Variants in RASSF4 observed in about 807,000 individuals in gnomAD.
The protein encoded by RASSF4 is Ras association domain family member 4.
RASSF4 carries 38 observed loss-of-function variants against 41.1 expected under a neutral mutation model. That is an observed-to-expected ratio of 0.92 (90% CI 0.71 to 1.21). RASSF4 has a LOEUF of 1.21. RASSF4 is among the 50% of genes most tolerant of loss of function. The probability of loss-of-function intolerance (pLI) is 0.00; values close to 1 mark genes in which losing one functional copy is unlikely to be tolerated. For synonymous variants in RASSF4, 179 were observed against 163.4 expected (o/e 1.10, Z -0.73); for missense variants, 414 against 419.4 (o/e 0.99, Z 0.11).
chr10:44,978,172 A>G (rs1841536588), intron 3 of RASSF4: 2 of 927,914 alleles, frequency 2.2e-6, no homozygotes, highest in Non-Finnish European at 3.2e-6. Context: ...AGCAATTTGA[A>G]GTCTACAGAG....
chr10:44,990,516 T>TGCGGGAAGGGAAGGGCTTCA (rs1483634662), intron 8 of RASSF4: 1 of 154,658 alleles, frequency 6.5e-6, no homozygotes, highest in Non-Finnish European at 1.4e-5. Flanking sequence ...CACGGGGAGC[T>TGCGGGAAGGGAAGGGCTTCA]GCGGGAAGGG....
chr10:44,967,674 G>C (rs1840957886), intron 1 of RASSF4, among the ~76,000 whole-genome samples: 1 of 152,210 alleles, frequency 6.6e-6, no homozygotes, highest in Admixed American at 6.5e-5. Flanking sequence ...GAAGCTTCTT[G>C]TATTTATTCA....
intron 3 of RASSF4, 127 bp from the exon 4 acceptor site, chr10:44,982,394 G>T: frequency 2.5e-6 from 3 of 1,187,164 alleles, no homozygotes; most frequent in Non-Finnish European, 3.7e-6. Flanking sequence ...GGTCCTTCCT[G>T]AGGGGATGGG....
At chr10:44,962,193 G>A (rs1052669444) in intron 1 of RASSF4, among the ~76,000 whole-genome samples, 1 of 152,224 alleles carries the variant, frequency 6.6e-6, no homozygotes, top group Non-Finnish European at 1.5e-5. Flanking sequence ...CACAGGCCAA[G>A]TTAATGCCAC....
chr10:44,960,959 G>A (rs565203481), intron 1 of RASSF4, among the ~76,000 whole-genome samples: 70 of 152,188 alleles, frequency 4.6e-4, no homozygotes, highest in African/African-American at 1.6e-3. Flanking sequence ...CCTGCCTTCT[G>A]TTCCTCTGTG....
chr10:44,977,157 A>G, intron 3 of RASSF4: 2 of 475,694 alleles, frequency 4.2e-6, no homozygotes, highest in South Asian at 1.0e-4. Context: ...TAAGTTGCTC[A>G]AGGTGATCAG....
chr10:44,989,742 T>C, intron 8 of RASSF4, 21 bp downstream of exon 8: 1 of 1,612,410 alleles, frequency 6.2e-7, no homozygotes, highest in Non-Finnish European at 8.5e-7. Flanking sequence ...GCCCCACTTC[T>C]GGATCGTAAA....
intron 3 of RASSF4, among the ~76,000 whole-genome samples, chr10:44,980,541 G>A (rs1439056298): frequency 6.6e-6 from 1 of 152,190 alleles, no homozygotes; most frequent in Non-Finnish European, 1.5e-5. Context: ...CCCCAGTACA[G>A]CCAAGCCCCC....
chr10:44,982,736 G>GCTCCCACCC, intron 4 of RASSF4, 73 bp downstream of exon 4: 2 of 1,520,754 alleles, frequency 1.3e-6, no homozygotes, highest in Non-Finnish European at 1.8e-6. Context: ...GAGCCTCAGG[G>GCTCCCACCC]TGGGAGCCCT....
rs1314553438 is a variant in RASSF4 at position 44,994,731 on chromosome 10, T to TC, written c.*1402_*1403insC. ...TGAACTGAAGAAGTGAGAACCAAGC[T>TC]TTTTTTTTTTTTTTTGCTTTCTGTG... On this transcript the variant is annotated 3_prime_UTR_variant, in exon 11 of 11. Coordinates refer to ENST00000340258, the MANE Select transcript of RASSF4 (RefSeq NM_032023.4). 1 of 112,992 alleles carries TC rather than the reference T, an allele frequency of 8.9e-6. No homozygotes were observed. The highest frequency in any genetic ancestry group is 3.8e-5 in the African/African-American group (1 of 26,002). The allele number at this position is 112,992 out of a possible 1,614,324, so 7.0% of individuals were successfully genotyped here. A position where few individuals can be genotyped will look rare whatever the true frequency, so the allele number is the denominator to read the frequency against.
rs770143673 is a variant in RASSF4, at chr10:44,984,988, C to T, written c.531+18C>T. The T allele has an allele frequency of 2.2e-5, 36 of 1,603,364 alleles. No individual in the cohort carries two copies. In the Admixed American group the frequency reaches 6.0e-4, roughly 27 times the overall value. Reference sequence around the variant, plus strand: ...ATCATAAGGTGATGCCCCAGCCTGGCCTCTCCCCTGGGCGCATGGGGAGCC... The same window carrying T: ...ATCATAAGGTGATGCCCCAGCCTGGTCTCTCCCCTGGGCGCATGGGGAGCC... On this transcript the variant is annotated intron_variant, in intron 6 of 10. Coordinates refer to ENST00000340258, the MANE Select transcript of RASSF4 (RefSeq NM_032023.4).
At chr10:44,987,016 C>T (rs533349391) in intron 6 of RASSF4, among the ~76,000 whole-genome samples, 31 of 152,336 alleles carry the variant, frequency 2.0e-4, no homozygotes, top group Admixed American at 1.8e-3. Flanking sequence ...TGGTTGGTAT[C>T]ATCTTGAGAA....
intron 4 of RASSF4, 174 bp from the exon 5 acceptor site, chr10:44,983,848 T>C: frequency 8.5e-7 from 1 of 1,173,784 alleles, no homozygotes; most frequent in Non-Finnish European, 1.2e-6. Flanking sequence ...GGGAGGCCTC[T>C]ACTTTTCTTT....
At chr10:44,965,466 C>T (rs962910748) in intron 1 of RASSF4, among the ~76,000 whole-genome samples, 2 of 152,186 alleles carry the variant, frequency 1.3e-5, no homozygotes, top group Non-Finnish European at 2.9e-5. Context: ...AAGTGGCAGC[C>T]ATTTAAGAAT....
At chr10:44,960,291 G>A (rs946312196) in intron 1 of RASSF4, among the ~76,000 whole-genome samples, 2 of 152,188 alleles carry the variant, frequency 1.3e-5, no homozygotes, top group Admixed American at 6.5e-5. Context: ...TCTGTAGAGG[G>A]CTCGCCTTGC....
Position 44,994,861 on chromosome 10 carries a change from G to A in RASSF4, c.*1532G>A, listed in dbSNP as rs1230990286. The A allele has an allele frequency of 2.0e-5, 3 of 151,976 alleles. No homozygotes were observed. Among genetic ancestry groups the A allele is most frequent in the African/African-American group, 7.3e-5 (3 of 41,340 alleles). The allele number at this position is 151,976 out of a possible 1,614,324, so 9.4% of individuals were successfully genotyped here. On this transcript the variant is annotated 3_prime_UTR_variant, in exon 11 of 11. Transcript: ENST00000340258. ...AACTCGCTGCTCTAGGAGCCGACAT[G>A]ACTCCTTCATTTCTGTGCATGCCCT...
chr10:44,983,431 G>A (rs1286238741), intron 4 of RASSF4: 1 of 173,364 alleles, frequency 5.8e-6, no homozygotes, highest in Non-Finnish European at 1.2e-5. Context: ...ACTCACATGT[G>A]CCCCTCTTCG....
chr10:44,969,804 T>C (rs1398289611), intron 1 of RASSF4, among the ~76,000 whole-genome samples: 1 of 152,172 alleles, frequency 6.6e-6, no homozygotes, highest in Non-Finnish European at 1.5e-5. Context: ...CTCTGGAGGA[T>C]TGCAGGAGCA....
chr10:44,969,427 G>C (rs968036219), intron 1 of RASSF4, among the ~76,000 whole-genome samples: 1 of 152,146 alleles, frequency 6.6e-6, no homozygotes, highest in Admixed American at 6.5e-5. Context: ...AGATTACCTT[G>C]TTGCACAGAC....
Sources: allele counts gnomAD v4.1 joint callset (sites outside exome capture counted in the v4.1 genomes callset), GRCh38; gene constraint gnomAD v4.1.1; transcripts MANE v1.5; gene names NCBI Gene and HGNC (gene_info 2026-07-23, HGNC 2026-07-21).